Variants in LHFPL3 observed in about 807,000 individuals in gnomAD.
LHFPL3 encodes the protein LHFPL tetraspan subfamily member 3 protein.
In LHFPL3, 5 loss-of-function variants were observed where a neutral mutation model predicts 19.3. That is an observed-to-expected ratio of 0.26 (90% CI 0.14 to 0.54). LHFPL3 has a LOEUF of 0.54. LHFPL3 is among the 20% of genes least tolerant of loss of function. The probability of loss-of-function intolerance (pLI) is 0.94; values close to 1 mark genes in which losing one functional copy is unlikely to be tolerated. For missense variants in LHFPL3, 249 were observed against 307.4 expected, an observed-to-expected ratio of 0.81 and a Z score of 1.42; for synonymous variants, 133 against 126.2, an observed-to-expected ratio of 1.05 and a Z score of -0.36.
At chr7:104,419,178 T>TA (rs61484994) in intron 1 of LHFPL3, among the ~76,000 whole-genome samples, 138 of 151,522 alleles carry the variant, frequency 9.1e-4, no homozygotes, top group Middle Eastern at 3.4e-3. Context: ...GGTATATTGG[T>TA]AAAAAAAAAT....
At chr7:104,637,607 A>G (rs1437334347) in intron 1 of LHFPL3, among the ~76,000 whole-genome samples, 1 of 152,204 alleles carries the variant, frequency 6.6e-6, no homozygotes, top group Non-Finnish European at 1.5e-5. Flanking sequence ...ATGACTAGCC[A>G]GTTATCCCAG....
chr7:104,595,866 G>T (rs10953436), intron 1 of LHFPL3, among the ~76,000 whole-genome samples: 69,751 of 152,192 alleles, frequency 0.46, 16,139 homozygotes, highest in South Asian at 0.53. Flanking sequence ...GCACTGCTGA[G>T]CCAGGCATGG....
At chr7:104,669,212 C>G (rs1283958437) in intron 1 of LHFPL3, 1 of 1,613,856 alleles carries the variant, frequency 6.2e-7, no homozygotes, top group African/African-American at 1.3e-5. Context: ...AGTTCTAACC[C>G]TCCTGCTCGA....
At chr7:104,750,305 T>C (rs926934595) in intron 2 of LHFPL3, among the ~76,000 whole-genome samples, 10 of 152,172 alleles carry the variant, frequency 6.6e-5, no homozygotes, top group African/African-American at 2.4e-4. Flanking sequence ...ATAATGGCCT[T>C]ACACACAGGT....
intron 1 of LHFPL3, among the ~76,000 whole-genome samples, chr7:104,339,873 A>G (rs11975268): frequency 0.23 from 35,740 of 152,132 alleles, 4,987 homozygotes; most frequent in East Asian, 0.4. Context: ...GACTAGAGCA[A>G]CATCCACATT....
chr7:104,390,714 G>C (rs747599081), intron 1 of LHFPL3, among the ~76,000 whole-genome samples: 2 of 152,168 alleles, frequency 1.3e-5, no homozygotes, highest in Non-Finnish European at 2.9e-5. Context: ...TGGGATGGCT[G>C]GGTCAAACGG....
chr7:104,539,826 A>G (rs143315902), intron 1 of LHFPL3, among the ~76,000 whole-genome samples: 178 of 152,276 alleles, frequency 1.2e-3, no homozygotes, highest in African/African-American at 4.0e-3. Flanking sequence ...AAGTGATGGC[A>G]TGATAGTTTT....
intron 1 of LHFPL3, among the ~76,000 whole-genome samples, chr7:104,343,433 A>T (rs1358212690): frequency 6.9e-6 from 1 of 145,972 alleles, no homozygotes; most frequent in Non-Finnish European, 1.5e-5. Context: ...GAATCACTTG[A>T]ACCCGGGAGG....
At chr7:104,514,814 T>C (rs562149372) in intron 1 of LHFPL3, among the ~76,000 whole-genome samples, 26 of 152,184 alleles carry the variant, frequency 1.7e-4, no homozygotes, top group Non-Finnish European at 3.4e-4. Flanking sequence ...GGTGATTGAA[T>C]ATGCAAAGTT....
In LHFPL3 at chr7:104,840,075, A is replaced by G. The variant is rs71562621; in HGVS notation, c.683-66112A>G. Among the ~76,000 whole-genome samples, 5,886 of 152,000 alleles carry G rather than the reference A, an allele frequency of 0.039. 605 individuals carry two copies. In the East Asian group the frequency reaches 0.43, roughly 11 times the overall value. On this transcript the variant is annotated intron_variant, in intron 2 of 2. Coordinates refer to ENST00000424859, the MANE Select transcript of LHFPL3 (RefSeq NM_199000.3). ...TAATTATTAAGTATAATTATTAATG[A>G]TGTTAATATTATCATTATTATCCAG...
chr7:104,514,610 G>A (rs942366537), intron 1 of LHFPL3, among the ~76,000 whole-genome samples: 3 of 152,184 alleles, frequency 2.0e-5, no homozygotes, highest in Admixed American at 6.5e-5. Flanking sequence ...CTGAAAACTG[G>A]TTAATCTGAC....
chr7:104,617,939 A>G (rs1791378696), intron 1 of LHFPL3, among the ~76,000 whole-genome samples: 1 of 152,252 alleles, frequency 6.6e-6, no homozygotes, highest in Admixed American at 6.5e-5. Context: ...TAAACAATAA[A>G]GAATCAAATC....
At chr7:104,851,206 A>G (rs1215163256) in intron 2 of LHFPL3, among the ~76,000 whole-genome samples, 5 of 152,238 alleles carry the variant, frequency 3.3e-5, no homozygotes, top group Admixed American at 3.3e-4. Flanking sequence ...TAGTATCTGC[A>G]TCATAACTCA....
intron 1 of LHFPL3, among the ~76,000 whole-genome samples, chr7:104,606,154 C>A (rs560932330): frequency 6.6e-6 from 1 of 152,290 alleles, no homozygotes; most frequent in South Asian, 2.1e-4. Flanking sequence ...AGCCACCACA[C>A]CTGGCCAAAA....
chr7:104,560,086 A>G (rs1789956511), intron 1 of LHFPL3, among the ~76,000 whole-genome samples: 1 of 146,520 alleles, frequency 6.8e-6, no homozygotes, highest in South Asian at 2.1e-4. Context: ...GTTTGCCAGT[A>G]TTTTATTGAG....
Position 104,563,647 on chromosome 7 carries a change from G to T in LHFPL3, c.446-173028G>T, listed in dbSNP as rs911081638. Among the ~76,000 whole-genome samples, 7 of 152,380 alleles carry T rather than the reference G, an allele frequency of 4.6e-5. No individual in the cohort carries two copies. In the East Asian group the frequency reaches 1.2e-3, roughly 25 times the overall value. ...AATGCAGAAATCACCCGTCTTCTGT[G>T]TTGCTCAGGCTGGGAGCTGTAGACC... On this transcript the variant is annotated intron_variant, in intron 1 of 2. Transcript: ENST00000424859.
At chr7:104,366,188 C>G (rs1043178431) in intron 1 of LHFPL3, among the ~76,000 whole-genome samples, 3 of 152,098 alleles carry the variant, frequency 2.0e-5, no homozygotes, top group Non-Finnish European at 2.9e-5. Context: ...TTTGGACACT[C>G]AGAGAACACT....
At chr7:104,400,638 A>G (rs1258155046) in intron 1 of LHFPL3, among the ~76,000 whole-genome samples, 1 of 152,192 alleles carries the variant, frequency 6.6e-6, no homozygotes, top group African/African-American at 2.4e-5. Flanking sequence ...AAAAATCTAG[A>G]AATTTGACCC....
At chr7:104,796,063 T>G (rs890453422) in intron 2 of LHFPL3, among the ~76,000 whole-genome samples, 3 of 152,166 alleles carry the variant, frequency 2.0e-5, no homozygotes, top group Non-Finnish European at 4.4e-5. Context: ...ACTGTCACTC[T>G]TCAGCTCACG....
Sources: allele counts gnomAD v4.1 joint callset (sites outside exome capture counted in the v4.1 genomes callset), GRCh38; gene constraint gnomAD v4.1.1; transcripts MANE v1.5; gene names NCBI Gene and HGNC (gene_info 2026-07-23, HGNC 2026-07-21).